USP42: variants seen among roughly 807,000 people sequenced by gnomAD.
USP42 encodes ubiquitin specific peptidase 42.
Under a neutral mutation model 113.0 loss-of-function variants are expected in USP42, and 23 were observed. The observed-to-expected ratio is 0.20, with a 90% CI of 0.15 to 0.29. The LOEUF is 0.29. USP42 is among the 10% of genes least tolerant of loss of function. The probability of loss-of-function intolerance (pLI) is 1.00; values close to 1 mark genes in which losing one functional copy is unlikely to be tolerated. For missense variants in USP42, 2,174 were observed against 1,779.8 expected (o/e 1.22, Z -3.99); for synonymous variants, 933 against 699.0 (o/e 1.33, Z -5.28).
At chr7:6,130,079 G>A (rs1780766191) in intron 3 of USP42, among the ~76,000 whole-genome samples, 1 of 152,028 alleles carries the variant, frequency 6.6e-6, no homozygotes, top group Non-Finnish European at 1.5e-5. Context: ...CCCACCTCCT[G>A]GGCTCAAGCA....
intron 14 of USP42, among the ~76,000 whole-genome samples, chr7:6,153,322 A>G (rs1294996695): frequency 2.0e-5 from 3 of 152,020 alleles, no homozygotes; most frequent in African/African-American, 7.2e-5. Context: ...AAATAGAGGA[A>G]TTGGAAGAAC....
At chr7:6,160,494 A>G (rs1045753119) in intron 17 of USP42, 61 bp from the exon 18 acceptor site, 1 of 152,236 alleles carries the variant, frequency 6.6e-6, no homozygotes, top group Non-Finnish European at 1.5e-5. Context: ...GCGTCCGGGA[A>G]TAAGCCCTAC....
chr7:6,153,860 T>G lies in USP42; in HGVS notation c.2306T>G (p.Leu769Arg). ...SLEEPDAAAG[L>R]SSTKKAPPPR... ...GAGGAGCCAGATGCGGCCGCCGGCC[T>G]CAGCAGCACCAAGAAGGCTCCGCCG... is the stretch of plus-strand genomic sequence containing the variant. Residue 769 changes from leucine to arginine, a missense_variant, in exon 15 of 18, where the codon CTC becomes CGC. Physicochemically the swap from Leu to Arg is moderately radical, Grantham distance 102. Coordinates refer to ENST00000306177, the MANE Select transcript of USP42 (RefSeq NM_032172.3). 1 of 1,553,856 alleles carries G rather than the reference T, an allele frequency of 6.4e-7. No individual in the cohort carries two copies. The highest frequency in any genetic ancestry group is 8.7e-7 in the Non-Finnish European group (1 of 1,150,276).
At chr7:6,143,704 A>G (rs1781552031) in intron 8 of USP42, among the ~76,000 whole-genome samples, 1 of 152,010 alleles carries the variant, frequency 6.6e-6, no homozygotes, top group Admixed American at 6.5e-5. Flanking sequence ...TTTTCATATA[A>G]TAATTATTAT....
the USP42 span, among the ~76,000 whole-genome samples, chr7:6,099,185 T>C: frequency 1.3e-5 from 2 of 148,426 alleles, no homozygotes; most frequent in African/African-American, 5.0e-5. Context: ...TACTGACTAA[T>C]TGCCTGGAGC....
upstream of USP42, among the ~76,000 whole-genome samples, chr7:6,102,860 T>C (rs1437490533): frequency 2.0e-5 from 3 of 151,128 alleles, no homozygotes; most frequent in East Asian, 1.9e-4. Context: ...CTGACGGTTT[T>C]TGGAAGACCA....
In USP42 at chr7:6,145,623, T is replaced by C. The variant is rs752376736; in HGVS notation, c.1098T>C (p.Asn366=). The C allele has an allele frequency of 6.2e-7, 1 of 1,614,050 alleles. No homozygotes were observed. The highest frequency in any genetic ancestry group is 1.1e-5 in the South Asian group (1 of 91,086). Residue 366 remains asparagine (N), a synonymous_variant, in exon 10 of 18, where the codon AAT becomes AAC. Coordinates refer to ENST00000306177, the MANE Select transcript of USP42 (RefSeq NM_032172.3). ...LYAVLVHTGF[N]CHAGHYFCYI... is the part of the protein sequence containing the mutation. ...CAGTGCTGGTCCACACTGGTTTTAA[T>C]TGCCATGCTGGCCATTACTTCTGCT... is the stretch of plus-strand genomic sequence containing the variant.
In USP42 at chr7:6,158,601, T is replaced by C. The variant is rs139111917; in HGVS notation, c.3944-849T>C. 6.2e-4 allele frequency among the ~76,000 whole-genome samples: 95 copies of C among 152,316 alleles called. No individual in the cohort carries two copies. The highest frequency in any genetic ancestry group is 1.7e-3 in the African/African-American group (70 of 41,586). On this transcript the variant is annotated intron_variant, in intron 16 of 17. Coordinates refer to ENST00000306177, the MANE Select transcript of USP42 (RefSeq NM_032172.3). This position sits in a 1 kb window ranked among gnomAD's most constrained non-coding sequence, Gnocchi z 4.2. ...GAGCCCCATGGGGGACATTTGCCCA[T>C]GGAGTGCTGGGGAAACAGCCGGAGA... is the stretch of plus-strand genomic sequence containing the variant.
intron 15 of USP42, among the ~76,000 whole-genome samples, chr7:6,156,512 C>T (rs573172819): frequency 2.6e-5 from 4 of 152,262 alleles, no homozygotes; most frequent in African/African-American, 9.6e-5. Flanking sequence ...TGCGGTGTTG[C>T]AGTCGTAGCT....
At chr7:6,098,473 C>T in the USP42 span, among the ~76,000 whole-genome samples, 5 of 150,122 alleles carry the variant, frequency 3.3e-5, 1 homozygote, top group Admixed American at 1.3e-4. Context: ...CCTTAGCAGG[C>T]GTGATGGTAT....
chr7:6,134,134 G>A, intron 3 of USP42, among the ~76,000 whole-genome samples: 1 of 152,032 alleles, frequency 6.6e-6, no homozygotes, highest in African/African-American at 2.4e-5. Context: ...CTCGTGATCT[G>A]CCCTCCTTAG....
intron 1 of USP42, among the ~76,000 whole-genome samples, chr7:6,108,754 C>T (rs1051169016): frequency 1.3e-5 from 2 of 152,192 alleles, no homozygotes; most frequent in African/African-American, 4.8e-5. Context: ...GCTGGGATTA[C>T]AGGCGTGAGC....
At chr7:6,082,546 A>G in the USP42 span, among the ~76,000 whole-genome samples, 1 of 148,246 alleles carries the variant, frequency 6.7e-6, no homozygotes, top group Non-Finnish European at 1.5e-5. Flanking sequence ...TGAATCCAAG[A>G]GTTCAAGACC....
upstream of USP42, among the ~76,000 whole-genome samples, chr7:6,102,954 GGGAGGGTCA>G (rs1790173352): frequency 6.6e-6 from 1 of 151,072 alleles, no homozygotes; most frequent in Non-Finnish European, 1.5e-5. Context: ...GGCTGACTCA[GGGAGGGTCA>G]GGACAGCAGC....
intron 3 of USP42, among the ~76,000 whole-genome samples, chr7:6,129,040 G>A (rs1392954060): frequency 2.0e-5 from 3 of 152,084 alleles, no homozygotes; most frequent in African/African-American, 7.2e-5. Flanking sequence ...TCAAACTCCT[G>A]GGCTCAGGCC....
chr7:6,118,426 G>T (rs527386056), intron 3 of USP42, among the ~76,000 whole-genome samples: 5 of 152,224 alleles, frequency 3.3e-5, no homozygotes, highest in Admixed American at 3.3e-4. Flanking sequence ...GGAGACTGAG[G>T]TGGGAGGATC....
chr7:6,136,002 CT>C (rs11322306), intron 4 of USP42, 51 bp downstream of exon 4: 112,030 of 545,844 alleles, frequency 0.21, 1,055 homozygotes, highest in East Asian at 0.32. Flanking sequence ...CCTAGTTATA[CT>C]TTTTTTTTTT....
the USP42 span, among the ~76,000 whole-genome samples, chr7:6,094,240 A>C: frequency 6.7e-6 from 1 of 149,862 alleles, no homozygotes; most frequent in Non-Finnish European, 1.5e-5. Flanking sequence ...ATCGTGCCAT[A>C]ATAGCTCACT....
At chr7:6,086,266 CG>C in the USP42 span, among the ~76,000 whole-genome samples, 1 of 140,662 alleles carries the variant, frequency 7.1e-6, no homozygotes, top group African/African-American at 2.8e-5. Context: ...AGTGTAGTGG[CG>C]CGATCTCAGT....
Sources: gnomAD v4.1 joint callset for allele counts (sites outside exome capture counted in the v4.1 genomes callset) on GRCh38, gnomAD v4.1.1 for gene constraint, Gnocchi (gnomAD v3.1) non-coding constraint, MANE v1.5 for transcripts, NCBI Gene and HGNC (gene_info 2026-07-23, HGNC 2026-07-21) for gene names.